The following TRPC7 variants were observed in gnomAD, a reference collection of about 807,000 sequenced individuals.
TRPC7 encodes the protein short transient receptor potential channel 7.
In TRPC7, 42 loss-of-function variants were observed where a neutral mutation model predicts 90.1. The ratio of observed to expected loss-of-function variants is 0.47; its 90% confidence interval spans 0.36 to 0.60. The LOEUF (loss-of-function observed/expected upper bound fraction) is 0.60, where lower values mean the gene tolerates loss of function less well. Ranked by LOEUF, TRPC7 falls within the 20% of genes least tolerant of loss-of-function variation. The probability of loss-of-function intolerance (pLI) is 0.00; values close to 1 mark genes in which losing one functional copy is unlikely to be tolerated. For missense variants in TRPC7, 955 were observed against 1,112.3 expected, an observed-to-expected ratio of 0.86 and a Z score of 2.01; for synonymous variants, 451 against 436.3, an observed-to-expected ratio of 1.03 and a Z score of -0.42.
At chr5:136,279,597 G>A (rs1191383548) in intron 3 of TRPC7, among the ~76,000 whole-genome samples, 3 of 152,222 alleles carry the variant, frequency 2.0e-5, no homozygotes, top group South Asian at 2.1e-4. Flanking sequence ...CTTCCAGCTC[G>A]CTCCAAATGA....
chr5:136,301,280 G>T (rs1758372080), intron 3 of TRPC7, among the ~76,000 whole-genome samples: 4 of 150,326 alleles, frequency 2.7e-5, no homozygotes, highest in Admixed American at 2.6e-4. Flanking sequence ...ACCTGCCTTG[G>T]CCTCCCAAAG....
chr5:136,274,077 C>A (rs1256624995), intron 4 of TRPC7, among the ~76,000 whole-genome samples: 1 of 152,164 alleles, frequency 6.6e-6, no homozygotes, highest in East Asian at 1.9e-4. Flanking sequence ...TTCCTGCAAC[C>A]TAATTAGCTG....
intron 10 of TRPC7, among the ~76,000 whole-genome samples, chr5:136,217,838 G>A (rs1755320326): frequency 6.6e-6 from 1 of 151,604 alleles, no homozygotes; most frequent in Non-Finnish European, 1.5e-5. Flanking sequence ...CTAAAATGGC[G>A]AAACCCTGTC....
chr5:136,241,562 C>CTT (rs375780408), intron 7 of TRPC7, among the ~76,000 whole-genome samples: 39 of 146,940 alleles, frequency 2.7e-4, no homozygotes, highest in African/African-American at 9.5e-4. Context: ...TCCTTCCTTC[C>CTT]TTTTTTTTTT....
rs116000145 is a variant in TRPC7, at chr5:136,310,151, A to G, written c.963+5446T>C. Reference sequence around the variant, plus strand: ...CCTCTTTCAGTTCCTCTTATACACCATGTCTCTTCTCACCACAGGGCTTTC... The same window carrying G: ...CCTCTTTCAGTTCCTCTTATACACCGTGTCTCTTCTCACCACAGGGCTTTC... On this transcript the variant is annotated intron_variant, in intron 3 of 11. Transcript: ENST00000513104. Among the ~76,000 whole-genome samples, 471 of 152,080 alleles carry G rather than the reference A, an allele frequency of 3.1e-3. 1 individual carries two copies. Among genetic ancestry groups the G allele is most frequent in the African/African-American group, 0.011 (450 of 41,496 alleles).
chr5:136,226,296 C>G (rs765646335), intron 8 of TRPC7, 41 bp from the exon 9 acceptor site: 2 of 1,465,178 alleles, frequency 1.4e-6, no homozygotes, highest in East Asian at 5.0e-5. Context: ...TCAAAGGCCA[C>G]GATTTAACAA....
At chr5:136,273,763 TA>T (rs1387029297) in intron 4 of TRPC7, among the ~76,000 whole-genome samples, 2 of 152,256 alleles carry the variant, frequency 1.3e-5, no homozygotes, top group East Asian at 3.8e-4. Flanking sequence ...AATTCCTTTT[TA>T]AATGTATCAC....
intron 2 of TRPC7, among the ~76,000 whole-genome samples, chr5:136,322,184 T>G (rs1029280634): frequency 2.6e-5 from 4 of 151,954 alleles, no homozygotes; most frequent in African/African-American, 9.7e-5. Flanking sequence ...CCTGCTAATT[T>G]TTGTATTTTT....
intron 8 of TRPC7, among the ~76,000 whole-genome samples, chr5:136,230,012 G>A (rs1196338461): frequency 6.6e-6 from 1 of 152,122 alleles, no homozygotes; most frequent in Non-Finnish European, 1.5e-5. Context: ...TAATGTGTTA[G>A]GGATTTTCCC....
chr5:136,259,440 C>G (rs565513864), intron 5 of TRPC7, among the ~76,000 whole-genome samples: 1 of 152,318 alleles, frequency 6.6e-6, no homozygotes, highest in South Asian at 2.1e-4. Flanking sequence ...GGACACACTC[C>G]CAAGCTCTTC....
intron 2 of TRPC7, among the ~76,000 whole-genome samples, chr5:136,319,726 AG>A (rs111668829): frequency 0.33 from 49,792 of 151,622 alleles, 9,087 homozygotes; most frequent in Admixed American, 0.46. Flanking sequence ...TGACCTACCA[AG>A]TGCTTTAACA....
At chr5:136,288,586 C>A (rs956193844) in intron 3 of TRPC7, among the ~76,000 whole-genome samples, 1 of 152,004 alleles carries the variant, frequency 6.6e-6, no homozygotes, top group Non-Finnish European at 1.5e-5. Context: ...GTAGTGTTAT[C>A]CCCACATTAG....
At chr5:136,316,172 G>A (rs1366891530) in intron 2 of TRPC7, 1 of 174,868 alleles carries the variant, frequency 5.7e-6, no homozygotes, top group East Asian at 1.6e-4. Context: ...AGCCCATCCT[G>A]GGCTCTTTCA....
chr5:136,330,866 C>G (rs981804306), intron 2 of TRPC7, among the ~76,000 whole-genome samples: 3 of 152,168 alleles, frequency 2.0e-5, no homozygotes, highest in Non-Finnish European at 4.4e-5. Context: ...TCCACCACAC[C>G]CTTTTTGGAC....
intron 11 of TRPC7, among the ~76,000 whole-genome samples, chr5:136,214,883 T>C (rs558127571): frequency 1.2e-4 from 19 of 152,298 alleles, no homozygotes; most frequent in Non-Finnish European, 2.4e-4. Context: ...CATAAGTATC[T>C]CATTAATTAC....
At chr5:136,249,420 T>C (rs1158995155) in intron 6 of TRPC7, among the ~76,000 whole-genome samples, 3 of 152,226 alleles carry the variant, frequency 2.0e-5, no homozygotes, top group Non-Finnish European at 4.4e-5. Flanking sequence ...CATGAAAGAC[T>C]AGTAAGCAGA....
chr5:136,356,499 C>T, intron 2 of TRPC7, 109 bp downstream of exon 2: 2 of 1,191,618 alleles, frequency 1.7e-6, no homozygotes, highest in Non-Finnish European at 2.3e-6. Flanking sequence ...TCAGTAAGAT[C>T]CTGAAGCTTC....
rs1387769945 is a variant in TRPC7, at chr5:136,357,265, C to T, written c.123G>A (p.Thr41=). ...YMFNEKGTSL[T]PEEERFLDSA... ...AGTCCAGGAAGCGCTCCTCCTCGGG[C>T]GTCAGACTGGTGCCCTTCTCGTTGA... is the stretch of plus-strand genomic sequence containing the variant. The change falls in exon 2 of 12, where the codon ACG becomes ACA. Residue 41 remains threonine, a synonymous_variant. Coordinates refer to ENST00000513104, the MANE Select transcript of TRPC7 (RefSeq NM_020389.3). 2 of 1,613,470 alleles carry T rather than the reference C, an allele frequency of 1.2e-6. No homozygotes were observed. Among genetic ancestry groups the T allele is most frequent in the Non-Finnish European group, 1.7e-6 (2 of 1,179,912 alleles).
chr5:136,227,189 C>T (rs1299963238), intron 8 of TRPC7, among the ~76,000 whole-genome samples: 1 of 152,122 alleles, frequency 6.6e-6, no homozygotes, highest in Non-Finnish European at 1.5e-5. Context: ...GCTAAGTGGG[C>T]CCCTGAGAGT....
Sources: gnomAD v4.1 joint callset for allele counts (sites outside exome capture counted in the v4.1 genomes callset) on GRCh38, gnomAD v4.1.1 for gene constraint, MANE v1.5 for transcripts, NCBI Gene and HGNC (gene_info 2026-07-23, HGNC 2026-07-21) for gene names.